NOXRED1: variants seen among roughly 807,000 people sequenced by gnomAD.
NOXRED1 encodes the protein NADP dependent oxidoreductase domain containing 1.
A neutral mutation model predicts 30.4 loss-of-function variants in NOXRED1; 20 were observed. The ratio of observed to expected loss-of-function variants is 0.66; its 90% CI spans 0.46 to 0.96. The LOEUF (loss-of-function observed/expected upper bound fraction) is 0.96, where lower values mean the gene tolerates loss of function less well. Among genes scored for constraint, NOXRED1 ranks in the 40% least tolerant of loss-of-function variants. NOXRED1 has a pLI of 0.00. For synonymous variants in NOXRED1, 155 were observed against 168.0 expected, an observed-to-expected ratio of 0.92 and a Z score of 0.60; for missense variants, 374 against 428.0, an observed-to-expected ratio of 0.87 and a Z score of 1.11.
At chr14:77,412,356 T>C (rs890020395) in intron 2 of NOXRED1, among the ~76,000 whole-genome samples, 1 of 152,220 alleles carries the variant, frequency 6.6e-6, no homozygotes, top group East Asian at 1.9e-4. Context: ...GGGTGTCTAG[T>C]GGTCTTAGCC....
Position 77,413,980 on chromosome 14 carries a change from G to C in NOXRED1, c.303C>G (p.Ile101Met). 2 of 1,606,960 alleles carry C rather than the reference G, an allele frequency of 1.2e-6. No homozygotes were observed. Among genetic ancestry groups the C allele is most frequent in the Non-Finnish European group, 8.5e-7 (1 of 1,175,292 alleles). ...TGGAGATCCGCAGGCTTTCAGCAGG[G>C]ATGGGGCCAAGCTGCAGCAGTGTGC... ...LAGTLLQLGP[I>M]PAESLRISTR... The change falls in exon 2 of 6, where the codon ATC (isoleucine) becomes ATG (methionine). Residue 101 changes from isoleucine (I) to methionine (M), a missense_variant. Coordinates refer to ENST00000380835, the MANE Select transcript of NOXRED1 (RefSeq NM_001113475.3).
chr14:77,417,286 T>C (rs1224462039), intron 1 of NOXRED1, among the ~76,000 whole-genome samples: 2 of 152,268 alleles, frequency 1.3e-5, no homozygotes, highest in African/African-American at 4.8e-5. Flanking sequence ...TGGAGTGTTA[T>C]GTACTTGTCC....
chr14:77,420,856 C>T (rs940616451), intron 1 of NOXRED1, among the ~76,000 whole-genome samples: 1 of 152,142 alleles, frequency 6.6e-6, no homozygotes, highest in South Asian at 2.1e-4. Flanking sequence ...AATGTGTCTT[C>T]TCTGGGCTTG....
chr14:77,407,576 A>T lies in NOXRED1; in HGVS notation c.419T>A (p.Ile140Lys), dbSNP rs372511962. 7 of 1,613,932 alleles carry T rather than the reference A, an allele frequency of 4.3e-6. No individual in the cohort carries two copies. In the African/African-American group the frequency reaches 9.3e-5, roughly 22 times the overall value. ...NADLVSWADV[I>K]FLCCLPSQLP... ...CTGAGACGGCAAGCAGCAGAGGAAT[A>T]TCACATCGGCCCAACTCACCAGATC... Residue 140 changes from isoleucine (I) to lysine (K), a missense_variant, in exon 3 of 6, where the codon ATA becomes AAA. Coordinates refer to ENST00000380835, the MANE Select transcript of NOXRED1 (RefSeq NM_001113475.3).
intron 1 of NOXRED1, among the ~76,000 whole-genome samples, chr14:77,416,961 G>A (rs1894845282): frequency 6.6e-6 from 1 of 152,124 alleles, no homozygotes. Context: ...TCATAGTACT[G>A]CTTTTGTTGC....
At position 77,422,842 on chromosome 14, in the gene NOXRED1, A is replaced by G. The variant is rs1289884294; in HGVS notation, c.48T>C (p.Val16=). The G allele has an allele frequency of 1.2e-6, 2 of 1,613,770 alleles. No individual in the cohort carries two copies. The highest frequency in any genetic ancestry group is 1.6e-4 in the Middle Eastern group (1 of 6,082). The change falls in exon 1 of 6, where the codon GTT becomes GTC. Residue 16 remains valine, a synonymous_variant. Coordinates refer to ENST00000380835, the MANE Select transcript of NOXRED1 (RefSeq NM_001113475.3). ...ACAGCCAGATACGATCTTCCTCTGG[A>G]ACCCCATACTCAAACTGCAGGGACT... The part of the protein sequence containing the change: ...DLESLQFEYG[V]PEEDRIWLYL...
chr14:77,407,400 G>A, intron 3 of NOXRED1, 65 bp downstream of exon 3: 1 of 1,204,688 alleles, frequency 8.3e-7, no homozygotes, highest in African/African-American at 1.5e-5. Flanking sequence ...GGAGGTGGGA[G>A]GCAGAAGTCA....
At chr14:77,414,306 A>C (rs1894754195) in intron 1 of NOXRED1, among the ~76,000 whole-genome samples, 179 bp from the exon 2 acceptor site, 1 of 151,240 alleles carries the variant, frequency 6.6e-6, no homozygotes, top group Non-Finnish European at 1.5e-5. Flanking sequence ...CTGTCTCCCG[A>C]GTAGCTGGGA....
chr14:77,421,586 A>T (rs190547141), intron 1 of NOXRED1, among the ~76,000 whole-genome samples: 2 of 152,212 alleles, frequency 1.3e-5, no homozygotes, highest in Non-Finnish European at 1.5e-5. Flanking sequence ...ACAACTTTAA[A>T]CTACAAAAAC....
At chr14:77,410,474 T>A (rs1894621209) in intron 2 of NOXRED1, among the ~76,000 whole-genome samples, 1 of 151,970 alleles carries the variant, frequency 6.6e-6, no homozygotes, top group African/African-American at 2.4e-5. Context: ...CTGGGCATGG[T>A]GGTGTGTGCC....
At chr14:77,406,970 C>T (rs1323558720) in intron 3 of NOXRED1, 95 bp from the exon 4 acceptor site, 6 of 1,075,820 alleles carry the variant, frequency 5.6e-6, no homozygotes, top group Non-Finnish European at 8.3e-6. Context: ...TCAACAGACT[C>T]CCCCACACAG....
chr14:77,411,714 T>C (rs1357098227), intron 2 of NOXRED1, among the ~76,000 whole-genome samples: 1 of 152,170 alleles, frequency 6.6e-6, no homozygotes, highest in Non-Finnish European at 1.5e-5. Context: ...GATACGTTCA[T>C]TACCTTGTGA....
At chr14:77,397,533 G>A (rs1427757089) in intron 5 of NOXRED1, among the ~76,000 whole-genome samples, 1 of 152,076 alleles carries the variant, frequency 6.6e-6, no homozygotes, top group Non-Finnish European at 1.5e-5. Context: ...GGGTACATGA[G>A]ATTTCACTAT....
At chr14:77,404,633 A>C (rs1003420052) in intron 5 of NOXRED1, among the ~76,000 whole-genome samples, 1 of 152,152 alleles carries the variant, frequency 6.6e-6, no homozygotes, top group South Asian at 2.1e-4. Flanking sequence ...GTATAGCATG[A>C]AAAGAAAAGG....
chr14:77,412,927 G>A (rs558871267), intron 2 of NOXRED1, among the ~76,000 whole-genome samples: 23 of 150,724 alleles, frequency 1.5e-4, no homozygotes, highest in African/African-American at 4.9e-4. Flanking sequence ...AAAAAAACAC[G>A]GGAAGGAAAT....
intron 2 of NOXRED1, among the ~76,000 whole-genome samples, chr14:77,412,549 G>A (rs567930467): frequency 5.3e-5 from 8 of 152,268 alleles, no homozygotes; most frequent in Non-Finnish European, 8.8e-5. Context: ...GTCTTACTCC[G>A]TTGCTGAGGC....
intron 1 of NOXRED1, among the ~76,000 whole-genome samples, chr14:77,417,148 A>G (rs1051500302): frequency 4.6e-5 from 7 of 152,210 alleles, no homozygotes; most frequent in African/African-American, 1.7e-4. Flanking sequence ...GTCAAAAAAA[A>G]AAAAAAAAGA....
Position 77,394,524 on chromosome 14 carries a change from C to A in NOXRED1, c.*107G>T. The A allele has an allele frequency of 2.6e-6, 2 of 767,426 alleles. No homozygotes were observed. Among genetic ancestry groups the A allele is most frequent in the East Asian group, 2.5e-5 (1 of 40,106 alleles). 47.5% of individuals were successfully genotyped at this position (767,426 alleles called of 1,614,324 possible). A position where few individuals can be genotyped will look rare whatever the true frequency, so the allele number is the denominator to read the frequency against. On this transcript the variant is annotated 3_prime_UTR_variant, in exon 6 of 6. Coordinates refer to ENST00000380835, the MANE Select transcript of NOXRED1 (RefSeq NM_001113475.3). ...ATAATTCCTGATGTCTATCATGTGG[C>A]AAACACAATACAGCCACAAGACTCC...
Position 77,422,931 on chromosome 14 carries a change from T to A in NOXRED1, c.-42A>T. 1 of 1,570,266 alleles carries A rather than the reference T, an allele frequency of 6.4e-7. No homozygotes were observed. The highest frequency in any genetic ancestry group is 8.7e-7 in the Non-Finnish European group (1 of 1,152,946). The stretch of plus-strand genomic sequence containing the variant: ...CCTGCAGTGATAGACACTAATCAAT[T>A]TGGCTCCCTGTCCCGGTAGAAGAGG... On this transcript the variant is annotated 5_prime_UTR_variant, in exon 1 of 6. Coordinates refer to ENST00000380835, the MANE Select transcript of NOXRED1 (RefSeq NM_001113475.3).
Sources: allele counts gnomAD v4.1 joint callset (sites outside exome capture counted in the v4.1 genomes callset), GRCh38; gene constraint gnomAD v4.1.1; transcripts MANE v1.5; gene names NCBI Gene and HGNC (gene_info 2026-07-23, HGNC 2026-07-21).